PHYKPL: variants seen among roughly 807,000 people sequenced by gnomAD.
PHYKPL encodes 5-phosphohydroxy-L-lysine phospho-lyase.
A neutral mutation model predicts 51.3 loss-of-function variants in PHYKPL; 42 were observed. The ratio of observed to expected loss-of-function variants is 0.82; its 90% CI spans 0.64 to 1.06. PHYKPL has a LOEUF of 1.06. PHYKPL is among the 50% of genes least tolerant of loss of function. The pLI, the probability that PHYKPL is intolerant of heterozygous loss-of-function variation, is 0.00. For synonymous variants in PHYKPL, 264 were observed against 236.0 expected (o/e 1.12, Z -1.09); for missense variants, 655 against 586.6 (o/e 1.12, Z -1.20).
rs199730198 is a variant in PHYKPL at position 178,224,443 on chromosome 5, G to A, written c.618+5C>T. ...GCTGGATTGGACAGGCGCGGACACG[G>A]TTACCTTCCTGCCCTTCTCCTGTGC... is the stretch of plus-strand genomic sequence containing the variant. On this transcript the variant is annotated splice_donor_5th_base_variant and intron_variant, in intron 6 of 12. Coordinates refer to ENST00000308158, the MANE Select transcript of PHYKPL (RefSeq NM_153373.4). 53 of 1,569,012 alleles carry A rather than the reference G, an allele frequency of 3.4e-5. No individual in the cohort carries two copies. The East Asian group carries it at 4.5e-4, about 13-fold the overall frequency.
intron 12 of PHYKPL, chr5:178,209,497 G>C (rs374446072): frequency 3.3e-5 from 50 of 1,495,548 alleles, no homozygotes; most frequent in Non-Finnish European, 4.4e-5. Flanking sequence ...CCTACATGGA[G>C]CCTTCCAAGC....
intron 8 of PHYKPL, among the ~76,000 whole-genome samples, chr5:178,218,841 G>C (rs1760503523): frequency 6.6e-6 from 1 of 152,044 alleles, no homozygotes; most frequent in Admixed American, 6.5e-5. Context: ...AAAAGAAAAA[G>C]AAGAAATATT....
chr5:178,218,967 CAAAA>C (rs973214820), intron 8 of PHYKPL, among the ~76,000 whole-genome samples: 1 of 151,346 alleles, frequency 6.6e-6, no homozygotes, highest in Non-Finnish European at 1.5e-5. Context: ...TCTCAAAAAA[CAAAA>C]AAAAGTAAAG....
intron 12 of PHYKPL, among the ~76,000 whole-genome samples, chr5:178,209,885 A>T (rs1468633874): frequency 2.0e-5 from 3 of 152,082 alleles, no homozygotes; most frequent in Admixed American, 6.5e-5. Flanking sequence ...GTGATCAGAG[A>T]GTGACTGAGT....
rs1758584999 is a variant in PHYKPL at position 178,211,966 on chromosome 5, C to T, written c.1308G>A (p.Met436Ile). 6.2e-7 allele frequency: 1 copy of T among 1,614,036 alleles called. No individual in the cohort carries two copies. The highest frequency in any genetic ancestry group is 8.5e-7 in the Non-Finnish European group (1 of 1,180,030). ...TTTCACAACTTCTCACCTTCTCTTC[C>T]ATGTCTGAAAAAGACCACAAAGCAA... Reference protein sequence around the residue: ...VAKLDAILTDMEEKVRSCETL... With the variant: ...VAKLDAILTDIEEKVRSCETL... Residue 436 changes from methionine (M) to isoleucine (I), a missense_variant, in exon 12 of 13, where the codon ATG becomes ATA. Physicochemically the swap from Met to Ile is conservative, Grantham distance 10. Coordinates refer to ENST00000308158, the MANE Select transcript of PHYKPL (RefSeq NM_153373.4).
At chr5:178,209,549 C>G (rs143842057) in intron 12 of PHYKPL, 2 of 1,000,078 alleles carry the variant, frequency 2.0e-6, no homozygotes, top group Admixed American at 2.0e-5. Flanking sequence ...CAGGGGTGGG[C>G]AGATTGTGTG....
Position 178,231,509 on chromosome 5 carries a change from A to G in PHYKPL, c.74T>C (p.Leu25Pro), listed in dbSNP as rs200624018. ...CTTAACAGGATCCTCGGGAAAAAAG[A>G]GTCTGCAGGAAGAGCTGTGGGGACA... ...RQRLISSSCR[L>P]FFPEDPVKIV... Residue 25 changes from leucine to proline, a missense_variant, in exon 2 of 13, where the codon CTC (leucine) becomes CCC (proline). By Grantham distance (98) the Leu-to-Pro change is moderately conservative (BLOSUM62 -3). Coordinates refer to ENST00000308158, the MANE Select transcript of PHYKPL (RefSeq NM_153373.4). The G allele has an allele frequency of 1.1e-5, 17 of 1,614,196 alleles. No homozygotes were observed. The African/African-American group carries it at 2.1e-4, about 20-fold the overall frequency.
At position 178,230,009 on chromosome 5, in the gene PHYKPL, A is replaced by C; in HGVS notation, c.269T>G (p.Val90Gly). 6.2e-7 allele frequency: 1 copy of C among 1,614,232 alleles called. No homozygotes were observed. Among genetic ancestry groups the C allele is most frequent in the Non-Finnish European group, 8.5e-7 (1 of 1,180,046 alleles). The change falls in exon 3 of 13, where the codon GTG (valine) becomes GGG (glycine). Residue 90 changes from valine to glycine, a missense_variant. Val to Gly is a moderately radical substitution (Grantham distance 109). Transcript: ENST00000308158. ...CTCTGACAGCCTCTGCGCATAGTCC[A>C]CGATGTTGTCATGCAGGTACCGGCT... is the stretch of plus-strand genomic sequence containing the variant. ...TNSRYLHDNI[V>G]DYAQRLSETL...
chr5:178,216,412 G>C (rs1298231713), intron 8 of PHYKPL: 1 of 152,158 alleles, frequency 6.6e-6, no homozygotes, highest in Non-Finnish European at 1.5e-5. Context: ...TGACTTACGG[G>C]TTCCAGGCAA....
At chr5:178,228,435 T>C in intron 3 of PHYKPL, 1 of 661,166 alleles carries the variant, frequency 1.5e-6, no homozygotes, top group South Asian at 1.7e-5. Flanking sequence ...TGGAAGTCCC[T>C]GGAATCCACA....
intron 12 of PHYKPL, chr5:178,210,090 G>A: frequency 1.2e-6 from 2 of 1,607,830 alleles, no homozygotes; most frequent in Middle Eastern, 1.7e-4. Flanking sequence ...TCCTGCGTAT[G>A]CTAAATGGTC....
chr5:178,217,717 G>A (rs1760129919), intron 8 of PHYKPL, among the ~76,000 whole-genome samples: 1 of 151,296 alleles, frequency 6.6e-6, no homozygotes, highest in Admixed American at 6.6e-5. Context: ...GATTAGCTGG[G>A]CATCATGGCG....
downstream of PHYKPL, among the ~76,000 whole-genome samples, chr5:178,208,164 CA>C (rs1232867008): frequency 1.3e-5 from 2 of 152,118 alleles, no homozygotes; most frequent in African/African-American, 2.4e-5. Context: ...TTCAAGTTGG[CA>C]GTTGGGAGTT....
intron 1 of PHYKPL, 77 bp from the exon 2 acceptor site, chr5:178,231,600 C>T: frequency 1.2e-6 from 2 of 1,606,164 alleles, no homozygotes; most frequent in South Asian, 2.2e-5. Flanking sequence ...AGACCCCCGC[C>T]CACCCCTTCC....
At chr5:178,223,998 ACT>A (rs1175587225) in intron 6 of PHYKPL, 2 of 179,930 alleles carry the variant, frequency 1.1e-5, no homozygotes, top group Admixed American at 5.6e-5. Context: ...CCTGCTTAAG[ACT>A]CTGGTGGTTC....
intron 12 of PHYKPL, chr5:178,210,345 C>T (rs1362866196): frequency 1.2e-6 from 2 of 1,604,200 alleles, no homozygotes; most frequent in African/African-American, 2.7e-5. Flanking sequence ...GTAGGAGCCA[C>T]TGGCAGCAGG....
chr5:178,232,666 G>C lies in PHYKPL; in HGVS notation c.-116C>G. ...TGCCTGGGTCGGGATTTGGGGCTCAGGTTCGCACTCGGCCCCGCCCCGAAG... is the reference window on the plus strand; with the variant it reads ...TGCCTGGGTCGGGATTTGGGGCTCACGTTCGCACTCGGCCCCGCCCCGAAG... On this transcript the variant is annotated 5_prime_UTR_variant, in exon 1 of 13. Coordinates refer to ENST00000308158, the MANE Select transcript of PHYKPL (RefSeq NM_153373.4). 8.7e-7 allele frequency: 1 copy of C among 1,149,270 alleles called. No homozygotes were observed. The highest frequency in any genetic ancestry group is 4.2e-5 in the South Asian group (1 of 23,792). 71.2% of individuals were successfully genotyped at this position (1,149,270 alleles called of 1,614,324 possible).
At chr5:178,229,755 A>T in intron 3 of PHYKPL, 185 bp downstream of exon 3, 1 of 620,882 alleles carries the variant, frequency 1.6e-6, no homozygotes, top group African/African-American at 1.8e-5. Flanking sequence ...TCAATAAGAG[A>T]CAAGGAAACT....
chr5:178,226,950 C>T (rs1430546535), intron 3 of PHYKPL, among the ~76,000 whole-genome samples: 2 of 150,732 alleles, frequency 1.3e-5, no homozygotes, highest in African/African-American at 4.9e-5. Context: ...TACAAATACA[C>T]ACACACACAC....
Sources: allele counts gnomAD v4.1 joint callset (sites outside exome capture counted in the v4.1 genomes callset), GRCh38; gene constraint gnomAD v4.1.1; transcripts MANE v1.5; gene names NCBI Gene and HGNC (gene_info 2026-07-23, HGNC 2026-07-21).